Variants in SCUBE2 observed in about 807,000 individuals in gnomAD.
SCUBE2 encodes signal peptide, CUB and EGF-like domain-containing protein 2.
In SCUBE2, 114 loss-of-function variants were observed where a neutral mutation model predicts 125.9. The observed-to-expected ratio is 0.91, with a 90% CI of 0.78 to 1.06. SCUBE2 has a LOEUF of 1.06. Ranked by LOEUF, SCUBE2 falls within the 50% of genes least tolerant of loss-of-function variation. SCUBE2 has a pLI of 0.00. For missense variants in SCUBE2, 1,255 were observed against 1,301.8 expected, an observed-to-expected ratio of 0.96 and a Z score of 0.55; for synonymous variants, 459 against 492.9, an observed-to-expected ratio of 0.93 and a Z score of 0.91.
chr11:9,044,776 C>T lies in SCUBE2; in HGVS notation c.2002+2580G>A, dbSNP rs1041092622. ...CATCCTTCTGGCCTTCCTTCCAGTA[C>T]CTTGGGGTTTTCCTATTTGTTGTTC... On this transcript the variant is annotated intron_variant, in intron 16 of 22. Coordinates refer to ENST00000649792, the MANE Select transcript of SCUBE2 (RefSeq NM_001367977.2). Among the ~76,000 whole-genome samples, 6 of 152,244 alleles carry T rather than the reference C, an allele frequency of 3.9e-5. No homozygotes were observed. The East Asian group carries it at 1.2e-3, about 29-fold the overall frequency.
chr11:9,033,740 G>A lies in SCUBE2; in HGVS notation c.2059C>T (p.Pro687Ser). ...DGARERCILC[P>S]NGTFQNEEGQ... ...TCCTCATTTTGGAAGGTTCCATTTG[G>A]ACATAAAATGCAGCGTTCTCGTGCT... Residue 687 changes from proline (P) to serine (S), a missense_variant, in exon 17 of 23, where the codon CCA becomes TCA. Pro to Ser is a moderately conservative substitution (Grantham distance 74). Coordinates refer to ENST00000649792, the MANE Select transcript of SCUBE2 (RefSeq NM_001367977.2). 1 of 1,614,030 alleles carries A rather than the reference G, an allele frequency of 6.2e-7. No homozygotes were observed. Among genetic ancestry groups the A allele is most frequent in the Non-Finnish European group, 8.5e-7 (1 of 1,180,008 alleles).
chr11:9,066,281 G>A (rs1375704802), intron 6 of SCUBE2, among the ~76,000 whole-genome samples: 1 of 152,224 alleles, frequency 6.6e-6, no homozygotes, highest in East Asian at 1.9e-4. Flanking sequence ...CCTTGGGCCT[G>A]GAAACCTCTA....
intron 16 of SCUBE2, among the ~76,000 whole-genome samples, chr11:9,039,931 A>G (rs892688196): frequency 3.3e-5 from 5 of 152,246 alleles, no homozygotes; most frequent in East Asian, 1.9e-4. Context: ...CAAAATAGAA[A>G]GCAGCTTTGA....
At chr11:9,055,594 G>C (rs1010743122) in intron 10 of SCUBE2, among the ~76,000 whole-genome samples, 199 bp downstream of exon 10, 3 of 152,188 alleles carry the variant, frequency 2.0e-5, no homozygotes, top group South Asian at 2.1e-4. Context: ...TTTCACACTC[G>C]GTGTGTTAAA....
At chr11:9,054,263 C>T (rs898943520) in intron 10 of SCUBE2, among the ~76,000 whole-genome samples, 1 of 152,108 alleles carries the variant, frequency 6.6e-6, no homozygotes, top group Non-Finnish European at 1.5e-5. Context: ...TCCCAAAGTG[C>T]TGGGATTACA....
At chr11:9,081,775 GA>G (rs1281594095) in intron 2 of SCUBE2, among the ~76,000 whole-genome samples, 1 of 152,218 alleles carries the variant, frequency 6.6e-6, no homozygotes, top group Non-Finnish European at 1.5e-5. Flanking sequence ...TGGCTACTGT[GA>G]ATAATGCTAC....
chr11:9,069,415 A>T lies in SCUBE2; in HGVS notation c.598T>A (p.Cys200Ser), dbSNP rs1002955471. ...EAPRGSVACE[C>S]RPGFELAKNQ... ...TTGGCCAGCTCAAAACCAGGCCTGC[A>T]CTCACAGGCGACGCTGCCCCTTGGG... The change falls in exon 5 of 23, where the codon TGC (cysteine) becomes AGC (serine). Residue 200 changes from cysteine to serine, a missense_variant. Physicochemically the swap from Cys to Ser is moderately radical, Grantham distance 112 (BLOSUM62 -1). Coordinates refer to ENST00000649792, the MANE Select transcript of SCUBE2 (RefSeq NM_001367977.2). 2 of 1,614,216 alleles carry T rather than the reference A, an allele frequency of 1.2e-6. No homozygotes were observed. Among genetic ancestry groups the T allele is most frequent in the Non-Finnish European group, 1.7e-6 (2 of 1,180,032 alleles).
In SCUBE2 at chr11:9,055,149, T is replaced by C. The variant is rs567722930; in HGVS notation, c.1207+644A>G. Among the ~76,000 whole-genome samples, 4 of 152,196 alleles carry C rather than the reference T, an allele frequency of 2.6e-5. No individual in the cohort carries two copies. In the South Asian group the frequency reaches 8.3e-4, roughly 31 times the overall value. On this transcript the variant is annotated intron_variant, in intron 10 of 22. Transcript: ENST00000649792. ...CCTTGGAAGTCCTAGACATTCTGAA[T>C]TGGAATCTGAACCTGTATTCTCAAA...
intron 4 of SCUBE2, among the ~76,000 whole-genome samples, chr11:9,073,820 TCTA>T (rs1376770739): frequency 6.6e-6 from 1 of 152,040 alleles, no homozygotes; most frequent in East Asian, 1.9e-4. Flanking sequence ...CTCTCAAGAA[TCTA>T]CTAAGTAACA....
chr11:9,030,644 C>G, intron 18 of SCUBE2, 114 bp downstream of exon 18: 6 of 1,084,916 alleles, frequency 5.5e-6, no homozygotes, highest in Non-Finnish European at 6.7e-6. Context: ...GGACCTGAAC[C>G]CCCAGCCACT....
intron 3 of SCUBE2, among the ~76,000 whole-genome samples, chr11:9,076,727 T>C (rs1235886084): frequency 6.6e-6 from 1 of 152,242 alleles, no homozygotes; most frequent in Non-Finnish European, 1.5e-5. Context: ...ATCTGTTATC[T>C]GGTTTCAAGC....
intron 16 of SCUBE2, among the ~76,000 whole-genome samples, chr11:9,040,941 T>C (rs977217657): frequency 6.6e-6 from 1 of 152,242 alleles, no homozygotes; most frequent in Non-Finnish European, 1.5e-5. Context: ...AAGGAGGCAC[T>C]AGTGTATTAC....
At chr11:9,023,634 A>G (rs1855492344) in intron 21 of SCUBE2, among the ~76,000 whole-genome samples, 1 of 152,250 alleles carries the variant, frequency 6.6e-6, no homozygotes, top group Non-Finnish European at 1.5e-5. Flanking sequence ...GAAACGCAGG[A>G]AAGTTACAGG....
rs535641208 is a variant in SCUBE2 at position 9,047,834 on chromosome 11, A to T, written c.1795+109T>A. 3.1e-4 allele frequency: 400 copies of T among 1,295,294 alleles called. No homozygotes were observed. In the African/African-American group the frequency reaches 5.4e-3, roughly 18 times the overall value. 80.2% of individuals were successfully genotyped at this position (1,295,294 alleles called of 1,614,324 possible). The stretch of plus-strand genomic sequence containing the variant: ...TTCGGGGTGAAAAAAAACAGGAGAT[A>T]CTTCAGTGTTTGCATTACTTTTCCC... On this transcript the variant is annotated intron_variant, in intron 15 of 22. Coordinates refer to ENST00000649792, the MANE Select transcript of SCUBE2 (RefSeq NM_001367977.2).
intron 9 of SCUBE2, 107 bp downstream of exon 9, chr11:9,059,196 G>T (rs1859416732): frequency 1.5e-6 from 2 of 1,297,096 alleles, no homozygotes; most frequent in African/African-American, 1.5e-5. Flanking sequence ...TGGATTAGTG[G>T]CCCTGTCAAG....
At chr11:9,052,691 G>T in intron 13 of SCUBE2, 55 bp downstream of exon 13, 1 of 1,284,618 alleles carries the variant, frequency 7.8e-7, no homozygotes, top group Non-Finnish European at 1.1e-6. Flanking sequence ...CCCCGTGAAT[G>T]AAGCCCCTTG....
At chr11:9,029,278 G>T (rs1856061930) in intron 19 of SCUBE2, among the ~76,000 whole-genome samples, 1 of 152,204 alleles carries the variant, frequency 6.6e-6, no homozygotes, top group Non-Finnish European at 1.5e-5. Context: ...TGGTCTGCCT[G>T]AGACTCCCTT....
Position 9,053,725 on chromosome 11 carries a change from A to G in SCUBE2, c.1242T>C (p.Cys414=). 6.2e-7 allele frequency: 1 copy of G among 1,614,150 alleles called. No individual in the cohort carries two copies. The change falls in exon 11 of 23, where the codon TGT becomes TGC. Residue 414 remains cysteine, a synonymous_variant. Transcript: ENST00000649792. ...TNECSINNGG[C]QQVCVNTVGS... ...CCACTGTGTTCACACAGACCTGCTG[A>G]CAGCCTCCGTTGTTGATGCTGCACT... is the stretch of plus-strand genomic sequence containing the variant.
intron 13 of SCUBE2, among the ~76,000 whole-genome samples, chr11:9,051,160 C>T (rs1858327289): frequency 6.6e-6 from 1 of 151,800 alleles, no homozygotes; most frequent in Non-Finnish European, 1.5e-5. Flanking sequence ...GAATGAGACT[C>T]CATTTCAAAA....
Sources: gnomAD v4.1 joint callset for allele counts (sites outside exome capture counted in the v4.1 genomes callset) on GRCh38, gnomAD v4.1.1 for gene constraint, MANE v1.5 for transcripts, NCBI Gene and HGNC (gene_info 2026-07-23, HGNC 2026-07-21) for gene names.